Variants in SORCS2 observed in about 807,000 individuals in gnomAD.
The protein encoded by SORCS2 is VPS10 domain-containing receptor SorCS2.
Under a neutral mutation model 141.6 loss-of-function variants are expected in SORCS2, and 100 were observed. The ratio of observed to expected loss-of-function variants is 0.71; its 90% CI spans 0.60 to 0.83. The LOEUF is 0.83. Among genes scored for constraint, SORCS2 ranks in the 40% least tolerant of loss-of-function variants. The pLI is 0.00. For synonymous variants in SORCS2, 789 were observed against 676.9 expected (o/e 1.17, Z -2.57); for missense variants, 1,646 against 1,560.2 (o/e 1.05, Z -0.93).
intron 3 of SORCS2, among the ~76,000 whole-genome samples, chr4:7,602,015 G>A (rs1365495736): frequency 6.6e-6 from 1 of 152,206 alleles, no homozygotes; most frequent in Non-Finnish European, 1.5e-5. Flanking sequence ...AGCATCCCAA[G>A]GCAGAAGAAT....
chr4:7,434,331 C>T (rs1393396063), intron 2 of SORCS2: 1 of 1,610,984 alleles, frequency 6.2e-7, no homozygotes, highest in East Asian at 2.2e-5. Context: ...AGTCTTGGCA[C>T]AGAGCTCCTT....
intron 2 of SORCS2, among the ~76,000 whole-genome samples, chr4:7,413,391 CT>C (rs34379092): frequency 0.024 from 2,015 of 84,686 alleles, 31 homozygotes; most frequent in African/African-American, 0.078. Context: ...TTCACAGCTG[CT>C]TTTTTTTTTT....
chr4:7,371,978 C>G (rs1722280174), intron 1 of SORCS2, among the ~76,000 whole-genome samples: 1 of 152,156 alleles, frequency 6.6e-6, no homozygotes, highest in South Asian at 2.1e-4. Flanking sequence ...GGGAAGATGC[C>G]TATCCTGGCA....
At chr4:7,313,789 C>T (rs1718359522) in intron 1 of SORCS2, among the ~76,000 whole-genome samples, 1 of 152,162 alleles carries the variant, frequency 6.6e-6, no homozygotes, top group Non-Finnish European at 1.5e-5. Context: ...CTGCTCAGAA[C>T]CCTCCAGCAG....
intron 3 of SORCS2, among the ~76,000 whole-genome samples, chr4:7,557,520 A>C (rs73084721): frequency 0.05 from 7,653 of 152,342 alleles, 230 homozygotes; most frequent in African/African-American, 0.065. Flanking sequence ...TTTTAAGTAG[A>C]TAGAGATGAA....
At chr4:7,672,078 G>C (rs1175503031) in intron 8 of SORCS2, among the ~76,000 whole-genome samples, 1 of 151,738 alleles carries the variant, frequency 6.6e-6, no homozygotes, top group African/African-American at 2.4e-5. Flanking sequence ...TGAGTAGTTG[G>C]GATTACAGGT....
intron 3 of SORCS2, among the ~76,000 whole-genome samples, chr4:7,559,212 G>A (rs2109664826): frequency 6.6e-6 from 1 of 152,230 alleles, no homozygotes; most frequent in East Asian, 1.9e-4. Flanking sequence ...GAGGGCTGTG[G>A]CCCCCGTGCC....
At chr4:7,639,413 A>AGT (rs201707420) in intron 4 of SORCS2, among the ~76,000 whole-genome samples, 1 of 116,880 alleles carries the variant, frequency 8.6e-6, no homozygotes, top group Non-Finnish European at 1.9e-5. Context: ...CTACTGCATA[A>AGT]GTGTGTGTGT....
intron 4 of SORCS2, among the ~76,000 whole-genome samples, chr4:7,639,484 G>C (rs183530447): frequency 6.6e-6 from 1 of 151,368 alleles, no homozygotes; most frequent in Non-Finnish European, 1.5e-5. Flanking sequence ...GAATGGGTGT[G>C]AATGTGTGTG....
intron 1 of SORCS2, among the ~76,000 whole-genome samples, chr4:7,302,839 G>A (rs4689687): frequency 0.23 from 35,083 of 150,242 alleles, 4,803 homozygotes; most frequent in Admixed American, 0.36. Context: ...ACCTTTTTAC[G>A]CACAAGGGTA....
At chr4:7,433,572 G>T (rs371026897) in intron 2 of SORCS2, 3 of 1,611,782 alleles carry the variant, frequency 1.9e-6, no homozygotes, top group Non-Finnish European at 2.5e-6. Context: ...GCTTGCACTG[G>T]ATCATATAGG....
intron 3 of SORCS2, among the ~76,000 whole-genome samples, chr4:7,561,544 TCATGC>T (rs1577752592): frequency 2.9e-4 from 20 of 69,362 alleles, no homozygotes; most frequent in African/African-American, 8.3e-4. Flanking sequence ...ATGTATCCAT[TCATGC>T]ATCTACCTAT....
intron 1 of SORCS2, among the ~76,000 whole-genome samples, chr4:7,265,373 C>G (rs567700160): frequency 4.1e-4 from 62 of 152,294 alleles, no homozygotes; most frequent in African/African-American, 1.4e-3. Context: ...TGCCTGTGGT[C>G]CCAGCTACTC....
chr4:7,317,084 A>G (rs966632255), intron 1 of SORCS2, among the ~76,000 whole-genome samples: 2 of 152,310 alleles, frequency 1.3e-5, no homozygotes, highest in African/African-American at 4.8e-5. Flanking sequence ...TAAAGCTTCA[A>G]GGTCCCCAGT....
rs571880562 is a variant in SORCS2, at chr4:7,736,547, C to G, written c.3312-522C>G. 2.0e-3 allele frequency among the ~76,000 whole-genome samples: 312 copies of G among 152,282 alleles called. 1 individual carries two copies. Among genetic ancestry groups the G allele is most frequent in the African/African-American group, 7.2e-3 (298 of 41,564 alleles). ...GAAGGAGCCTGGCCCAGGGCGGGTCCTGAGCCGGGTCCCAGTGGAGGCAGC... is the reference window on the plus strand; with the variant it reads ...GAAGGAGCCTGGCCCAGGGCGGGTCGTGAGCCGGGTCCCAGTGGAGGCAGC... On this transcript the variant is annotated intron_variant, in intron 25 of 26. Transcript: ENST00000507866.
At chr4:7,412,459 G>A (rs568858351) in intron 2 of SORCS2, among the ~76,000 whole-genome samples, 150 of 152,262 alleles carry the variant, frequency 9.9e-4, no homozygotes, top group Admixed American at 2.9e-3. Flanking sequence ...CCATCCAGAC[G>A]ACCCCGTGCA....
chr4:7,693,299 C>T (rs1724376588), intron 11 of SORCS2, among the ~76,000 whole-genome samples: 1 of 152,242 alleles, frequency 6.6e-6, no homozygotes, highest in African/African-American at 2.4e-5. Flanking sequence ...CTGCTCCACA[C>T]CTTCGGGGAT....
intron 1 of SORCS2, among the ~76,000 whole-genome samples, chr4:7,320,451 C>G (rs1718827314): frequency 6.6e-6 from 1 of 152,212 alleles, no homozygotes; most frequent in South Asian, 2.1e-4. Flanking sequence ...TTCTTACATC[C>G]ACCTGGAGAG....
chr4:7,602,227 C>A (rs1204066631), intron 3 of SORCS2, among the ~76,000 whole-genome samples: 1 of 148,982 alleles, frequency 6.7e-6, no homozygotes, highest in African/African-American at 2.4e-5. Flanking sequence ...GGGGCCCTCA[C>A]CTCCCAGACG....
Sources: gnomAD v4.1 joint callset for allele counts (sites outside exome capture counted in the v4.1 genomes callset) on GRCh38, gnomAD v4.1.1 for gene constraint, MANE v1.5 for transcripts, NCBI Gene and HGNC (gene_info 2026-07-23, HGNC 2026-07-21) for gene names.